Variants in EML6 observed in about 807,000 individuals in gnomAD.
EML6 encodes echinoderm microtubule-associated protein-like 6.
Under a neutral mutation model 240.1 loss-of-function variants are expected in EML6, and 154 were observed. That is an observed-to-expected ratio of 0.64 (90% CI 0.56 to 0.73). The LOEUF (loss-of-function observed/expected upper bound fraction) is 0.73, where lower values mean the gene tolerates loss of function less well. EML6 is among the 30% of genes least tolerant of loss of function. The probability of loss-of-function intolerance (pLI) is 0.00; values close to 1 mark genes in which losing one functional copy is unlikely to be tolerated. For missense variants in EML6, 2,964 were observed against 2,474.6 expected, an observed-to-expected ratio of 1.20 and a Z score of -4.20; for synonymous variants, 1,148 against 899.0, an observed-to-expected ratio of 1.28 and a Z score of -4.95.
chr2:54,950,045 G>C (rs952716058), intron 29 of EML6, among the ~76,000 whole-genome samples: 1 of 152,230 alleles, frequency 6.6e-6, no homozygotes, highest in Non-Finnish European at 1.5e-5. Flanking sequence ...TGAGAGGTCT[G>C]TGTTGGATTA....
At chr2:54,962,733 C>A (rs34564860) in intron 36 of EML6, 22 bp downstream of exon 36, 1 of 1,447,282 alleles carries the variant, frequency 6.9e-7, no homozygotes, top group South Asian at 1.5e-5. Flanking sequence ...TCTGCCCAAA[C>A]TCAGATGCCC....
chr2:54,968,410 AAT>A, intron 40 of EML6, 129 bp downstream of exon 40: 2 of 935,914 alleles, frequency 2.1e-6, no homozygotes, highest in Non-Finnish European at 3.2e-6. Flanking sequence ...GAAATATGGC[AAT>A]GAGTTTTTCA....
intron 28 of EML6, among the ~76,000 whole-genome samples, chr2:54,944,900 C>A (rs1675601688): frequency 1.3e-5 from 2 of 151,826 alleles, no homozygotes; most frequent in Admixed American, 1.3e-4. Flanking sequence ...ACAGAGAGGC[C>A]CCCTGGCTTT....
chr2:54,927,861 G>A lies in EML6; in HGVS notation c.3676-452G>A, dbSNP rs549476106. Reference sequence around the variant, plus strand: ...TTTTACATCTTACTTGAGGTCCCAGGTTTATAAGATATCCTTTGCTCTTCT... The same window carrying A: ...TTTTACATCTTACTTGAGGTCCCAGATTTATAAGATATCCTTTGCTCTTCT... On this transcript the variant is annotated intron_variant, in intron 26 of 41. Coordinates refer to ENST00000356458, the MANE Select transcript of EML6 (RefSeq NM_001039753.4). 2.6e-5 allele frequency among the ~76,000 whole-genome samples: 4 copies of A among 152,306 alleles called. No homozygotes were observed. In the East Asian group the frequency reaches 7.7e-4, roughly 29 times the overall value.
At chr2:54,825,185 ATTATT>A (rs1211170829) in intron 5 of EML6, among the ~76,000 whole-genome samples, 2 of 152,202 alleles carry the variant, frequency 1.3e-5, no homozygotes, top group African/African-American at 4.8e-5. Flanking sequence ...GGACAAAATA[ATTATT>A]TTAATCTTCA....
chr2:54,958,535 A>G (rs1330280543), intron 33 of EML6, among the ~76,000 whole-genome samples: 1 of 152,044 alleles, frequency 6.6e-6, no homozygotes, highest in East Asian at 1.9e-4. Context: ...AAGGTAGGAC[A>G]CCCACCCAGG....
At chr2:54,880,647 A>G (rs1174222680) in intron 17 of EML6, 1 of 152,212 alleles carries the variant, frequency 6.6e-6, no homozygotes, top group Non-Finnish European at 1.5e-5. Context: ...CAGCTCATAA[A>G]TCTGCCTGCC....
intron 37 of EML6, 75 bp downstream of exon 37, chr2:54,964,233 C>T (rs557626224): frequency 3.3e-5 from 47 of 1,422,848 alleles, no homozygotes; most frequent in South Asian, 1.1e-4. Flanking sequence ...ATTCCAGCCA[C>T]GGCTGGAATA....
intron 28 of EML6, 33 bp from the exon 29 acceptor site, chr2:54,948,849 T>C: frequency 1.3e-6 from 2 of 1,526,110 alleles, no homozygotes; most frequent in East Asian, 2.5e-5. Context: ...CCTTGTTCAA[T>C]GCTGTGCTTC....
intron 28 of EML6, among the ~76,000 whole-genome samples, chr2:54,947,772 C>T (rs922352303): frequency 6.6e-6 from 1 of 152,186 alleles, no homozygotes; most frequent in Non-Finnish European, 1.5e-5. Context: ...ATTCTGTAGG[C>T]GCTTTAGTGC....
chr2:54,876,985 A>ATT (rs34591538), intron 16 of EML6, among the ~76,000 whole-genome samples: 1 of 145,946 alleles, frequency 6.9e-6, no homozygotes, highest in Middle Eastern at 3.3e-3. Context: ...CCAAAAAAAA[A>ATT]TTTTTTTTTT....
chr2:54,926,258 T>C (rs1266667982), intron 26 of EML6, among the ~76,000 whole-genome samples: 1 of 152,164 alleles, frequency 6.6e-6, no homozygotes, highest in Non-Finnish European at 1.5e-5. Context: ...TCCACCACCA[T>C]GCCCAGCTAA....
intron 10 of EML6, among the ~76,000 whole-genome samples, chr2:54,852,842 TTG>T (rs1401724981): frequency 2.0e-5 from 3 of 152,212 alleles, no homozygotes; most frequent in African/African-American, 7.2e-5. Flanking sequence ...AATTTTAAAA[TTG>T]TGTGTGGTTA....
At chr2:54,870,024 C>G (rs1428144183) in intron 15 of EML6, among the ~76,000 whole-genome samples, 3 of 152,258 alleles carry the variant, frequency 2.0e-5, no homozygotes, top group Non-Finnish European at 2.9e-5. Context: ...TTAGTTTTAT[C>G]TTTTCCTCAA....
intron 2 of EML6, among the ~76,000 whole-genome samples, chr2:54,773,304 C>T (rs544778389): frequency 1.6e-4 from 24 of 152,372 alleles, no homozygotes; most frequent in Admixed American, 1.4e-3. Context: ...GCATGTAGCC[C>T]AAAGCCGGGG....
chr2:54,824,051 A>G (rs978580573), intron 5 of EML6, among the ~76,000 whole-genome samples: 13 of 152,106 alleles, frequency 8.5e-5, no homozygotes, highest in African/African-American at 3.1e-4. Flanking sequence ...TCTGACTCCT[A>G]TAGAGCTCTT....
chr2:54,868,089 A>T (rs1477608070), intron 14 of EML6: 2 of 152,204 alleles, frequency 1.3e-5, no homozygotes, highest in Non-Finnish European at 2.9e-5. Flanking sequence ...GGAATGTAAG[A>T]TATCTCATAA....
intron 28 of EML6, among the ~76,000 whole-genome samples, chr2:54,942,504 TGTG>T (rs1234673080): frequency 6.6e-6 from 1 of 152,126 alleles, no homozygotes; most frequent in African/African-American, 2.4e-5. Flanking sequence ...GTGGTCAGGA[TGTG>T]GTAACCGAGG....
rs955939978 is a variant in EML6 at position 54,902,659 on chromosome 2, A to C, written c.3125-385A>C. On this transcript the variant is annotated intron_variant, in intron 22 of 41. Transcript: ENST00000356458. ...AGCAATCCACCTGCCTTGGCCTCCC[A>C]AGGTGCTGGGATTACAGGCATAAGC... 8.5e-5 allele frequency among the ~76,000 whole-genome samples: 13 copies of C among 152,204 alleles called. 1 individual carries two copies. Among genetic ancestry groups the C allele is most frequent in the Admixed American group, 7.2e-4 (11 of 15,282 alleles).
Sources: allele counts gnomAD v4.1 joint callset (sites outside exome capture counted in the v4.1 genomes callset), GRCh38; gene constraint gnomAD v4.1.1; transcripts MANE v1.5; gene names NCBI Gene and HGNC (gene_info 2026-07-23, HGNC 2026-07-21).